Variants in DHRSX observed in about 807,000 individuals in gnomAD.
The protein encoded by DHRSX is dehydrogenase/reductase X-linked.
In DHRSX, 31 loss-of-function variants were observed where a neutral mutation model predicts 34.0. The observed-to-expected ratio is 0.91, with a 90% confidence interval of 0.69 to 1.23. The LOEUF is 1.23. Among genes scored for constraint, DHRSX ranks in the 50% most tolerant of loss-of-function variants. DHRSX has a pLI of 0.00. For missense variants in DHRSX, 414 were observed against 428.1 expected (o/e 0.97, Z 0.29); for synonymous variants, 201 against 183.8 (o/e 1.09, Z -0.76).
At chrX:2,454,662 G>C (rs1411495784) in intron 1 of DHRSX, among the ~76,000 whole-genome samples, 1 of 152,068 alleles carries the variant, frequency 6.6e-6, no homozygotes, top group Non-Finnish European at 1.5e-5. Flanking sequence ...CAATTGGAAT[G>C]ACTCCACGGT....
At chrX:2,364,469 A>T (rs1228502002) in intron 3 of DHRSX, among the ~76,000 whole-genome samples, 1 of 152,136 alleles carries the variant, frequency 6.6e-6, no homozygotes, top group Non-Finnish European at 1.5e-5. Flanking sequence ...TATGTGATCC[A>T]TTTGTCTGTG....
At chrX:2,459,589 TACAATATATATATACAC>T (rs2044373621) in intron 1 of DHRSX, among the ~76,000 whole-genome samples, 2 of 135,314 alleles carry the variant, frequency 1.5e-5, no homozygotes, top group Non-Finnish European at 3.3e-5. Flanking sequence ...TACACACACA[TACAATATATATATACAC>T]ACACACACAA....
intron 6 of DHRSX, among the ~76,000 whole-genome samples, chrX:2,229,373 C>A (rs1253831210): frequency 6.6e-6 from 1 of 152,054 alleles, no homozygotes; most frequent in African/African-American, 2.4e-5. Context: ...ACAAAGGCAA[C>A]ACTTCCTCTC....
intron 1 of DHRSX, chrX:2,500,277 G>A (rs755098986): frequency 1.1e-5 from 2 of 174,936 alleles, no homozygotes; most frequent in Admixed American, 1.1e-4. Flanking sequence ...CCCCTCTGGA[G>A]ACGTCCTCCG....
At chrX:2,409,927 TC>T (rs1380802797) in intron 2 of DHRSX, among the ~76,000 whole-genome samples, 1 of 152,042 alleles carries the variant, frequency 6.6e-6, no homozygotes, top group African/African-American at 2.4e-5. Context: ...AGAGGGGGTT[TC>T]ACCATGTTGG....
intron 4 of DHRSX, among the ~76,000 whole-genome samples, chrX:2,276,604 A>C (rs907757543): frequency 2.6e-5 from 4 of 152,094 alleles, no homozygotes; most frequent in African/African-American, 9.7e-5. Flanking sequence ...TCAGGGTCAC[A>C]ATCACATATT....
chrX:2,392,396 C>G, intron 3 of DHRSX: 1 of 260,384 alleles, frequency 3.8e-6, no homozygotes, highest in Non-Finnish European at 7.6e-6. Flanking sequence ...AGTCCCAGCT[C>G]CTCGAGAGGC....
chrX:2,491,066 G>GTTTTT (rs900738620), intron 1 of DHRSX, among the ~76,000 whole-genome samples: 32 of 110,254 alleles, frequency 2.9e-4, no homozygotes, highest in African/African-American at 5.2e-4. Context: ...AGTGCCTTTA[G>GTTTTT]TTTTTTTTTT....
intron 1 of DHRSX, among the ~76,000 whole-genome samples, chrX:2,474,162 G>C (rs867772174): frequency 6.7e-6 from 1 of 149,258 alleles, no homozygotes; most frequent in East Asian, 1.9e-4. Context: ...AGAAGAATGT[G>C]GCCAAGGGAT....
chrX:2,481,025 A>G (rs1362565669), intron 1 of DHRSX, among the ~76,000 whole-genome samples: 1 of 152,178 alleles, frequency 6.6e-6, no homozygotes, highest in African/African-American at 2.4e-5. Context: ...TATGTTAATT[A>G]GCTTGTTAAT....
intron 1 of DHRSX, among the ~76,000 whole-genome samples, chrX:2,440,888 G>T (rs981417910): frequency 6.6e-6 from 1 of 152,090 alleles, no homozygotes; most frequent in South Asian, 2.1e-4. Flanking sequence ...AGTCCTATTC[G>T]TTCTGTCCCT....
intron 4 of DHRSX, among the ~76,000 whole-genome samples, chrX:2,282,812 AAGAG>A (rs201921499): frequency 0.18 from 15,282 of 83,020 alleles, 1,713 homozygotes; most frequent in Non-Finnish European, 0.27. Context: ...AGAAGAGAGA[AAGAG>A]AGAGAGGGAG....
intron 3 of DHRSX, among the ~76,000 whole-genome samples, chrX:2,317,256 C>CT (rs779722860): frequency 0.038 from 3,319 of 87,406 alleles, 302 homozygotes; most frequent in Middle Eastern, 0.12. Context: ...CCGCGCCTGG[C>CT]TTTTTTTTTT....
At chrX:2,259,413 G>T (rs1471361079) in intron 5 of DHRSX, among the ~76,000 whole-genome samples, 14 of 145,778 alleles carry the variant, frequency 9.6e-5, no homozygotes, top group Non-Finnish European at 1.1e-4. Flanking sequence ...TATAGATATA[G>T]ATATATACAA....
chrX:2,452,066 C>G (rs1010328720), intron 1 of DHRSX, among the ~76,000 whole-genome samples: 5 of 149,442 alleles, frequency 3.3e-5, no homozygotes, highest in African/African-American at 7.4e-5. Flanking sequence ...GTTCACTAAG[C>G]AGGTGACTAA....
chrX:2,327,668 C>T (rs1284189963), intron 3 of DHRSX, among the ~76,000 whole-genome samples: 1 of 152,124 alleles, frequency 6.6e-6, no homozygotes, highest in African/African-American at 2.4e-5. Context: ...ATGTTAAAGC[C>T]CTAACGCCCA....
chrX:2,243,735 C>T (rs1428977400), intron 5 of DHRSX, among the ~76,000 whole-genome samples: 2 of 150,208 alleles, frequency 1.3e-5, no homozygotes, highest in Non-Finnish European at 1.5e-5. Flanking sequence ...ATTATCCACC[C>T]GCTTCAGCCT....
chrX:2,355,462 A>C (rs1209827134), intron 3 of DHRSX, among the ~76,000 whole-genome samples: 8 of 138,322 alleles, frequency 5.8e-5, no homozygotes, highest in African/African-American at 2.1e-4. Context: ...CAGTGAACCA[A>C]GATGGTGCCA....
In DHRSX at chrX:2,489,259, G is replaced by A. The variant is rs201733705; in HGVS notation, c.109+11558C>T. ...GATTCTCCACCTGCTGCCGCTCGAA[G>A]GCGGAGAGGAAGGGCAGCCTCTTGT... is the stretch of plus-strand genomic sequence containing the variant. On this transcript the variant is annotated intron_variant, in intron 1 of 6. Coordinates refer to ENST00000334651, the MANE Select transcript of DHRSX (RefSeq NM_145177.3). The A allele has an allele frequency of 1.6e-4, 254 of 1,613,978 alleles. No homozygotes were observed. The East Asian group carries it at 3.5e-3, about 22-fold the overall frequency.
Sources: allele counts gnomAD v4.1 joint callset (sites outside exome capture counted in the v4.1 genomes callset), GRCh38; gene constraint gnomAD v4.1.1; transcripts MANE v1.5; gene names NCBI Gene and HGNC (gene_info 2026-07-23, HGNC 2026-07-21).